Variants in NSG2 observed in about 807,000 individuals in gnomAD.
NSG2 encodes neuronal vesicle trafficking associated 2, also known as neuronal vesicle trafficking-associated protein 2.
NSG2 carries 4 observed loss-of-function variants against 16.9 expected under a neutral mutation model. The ratio of observed to expected loss-of-function variants is 0.24; its 90% CI spans 0.12 to 0.54. NSG2 has a LOEUF of 0.54. NSG2 is among the 20% of genes least tolerant of loss of function. The probability of loss-of-function intolerance (pLI) is 0.95; values close to 1 mark genes in which losing one functional copy is unlikely to be tolerated. For missense variants in NSG2, 179 were observed against 221.1 expected, an observed-to-expected ratio of 0.81 and a Z score of 1.21; for synonymous variants, 98 against 88.7, an observed-to-expected ratio of 1.11 and a Z score of -0.59.
At chr5:174,049,150 G>A (rs372207935) in intron 2 of NSG2, among the ~76,000 whole-genome samples, 24 of 151,926 alleles carry the variant, frequency 1.6e-4, no homozygotes, top group African/African-American at 5.1e-4. Context: ...CCATCCTGGC[G>A]AACACGGTGA....
chr5:174,103,470 T>A (rs1176146473), intron 3 of NSG2, among the ~76,000 whole-genome samples: 3 of 151,950 alleles, frequency 2.0e-5, no homozygotes, highest in Non-Finnish European at 4.4e-5. Context: ...GTTGAAAGTG[T>A]GTATTAGATG....
chr5:174,086,422 A>G (rs1194300252), intron 3 of NSG2: 5 of 152,218 alleles, frequency 3.3e-5, no homozygotes, highest in African/African-American at 4.8e-5. Context: ...CAGATCAGCC[A>G]TGTTAGAATC....
In NSG2 at chr5:174,107,832, G is replaced by C; in HGVS notation, c.*327G>C. The C allele has an allele frequency of 4.1e-6, 2 of 493,142 alleles. No homozygotes were observed. The highest frequency in any genetic ancestry group is 2.5e-5 in the Admixed American group (1 of 40,754). 30.5% of individuals were successfully genotyped at this position (493,142 alleles called of 1,614,324 possible). ...GAAAATGTAACAGCAGAAAAGGAAA[G>C]AAACAAAGAACATGAACAAAAAGCA... is the stretch of plus-strand genomic sequence containing the variant. On this transcript the variant is annotated 3_prime_UTR_variant, in exon 5 of 5. Transcript: ENST00000303177. This position sits in a 1 kb window ranked among gnomAD's most constrained non-coding sequence, Gnocchi z 4.5.
intron 3 of NSG2, among the ~76,000 whole-genome samples, chr5:174,088,282 G>GGTGGTAATA (rs2113462769): frequency 6.6e-6 from 1 of 152,330 alleles, no homozygotes; most frequent in African/African-American, 2.4e-5. Flanking sequence ...AAGTCGCACA[G>GGTGGTAATA]GTGGTAATAG....
chr5:174,102,919 C>T (rs1411374591), intron 3 of NSG2, among the ~76,000 whole-genome samples: 1 of 149,420 alleles, frequency 6.7e-6, no homozygotes, highest in African/African-American at 2.5e-5. Flanking sequence ...GCTGGGATCA[C>T]AGGTGCCTGC....
chr5:174,092,394 A>G (rs889818513), intron 3 of NSG2, among the ~76,000 whole-genome samples: 1 of 152,260 alleles, frequency 6.6e-6, no homozygotes, highest in African/African-American at 2.4e-5. Context: ...CCCCATTAAT[A>G]TGAATCATCA....
rs181978647 is a variant in NSG2 at position 174,100,877 on chromosome 5, C to T, written c.214-3351C>T. On this transcript the variant is annotated intron_variant, in intron 3 of 4. Coordinates refer to ENST00000303177, the MANE Select transcript of NSG2 (RefSeq NM_015980.5). ...GGCCTTATCCAGCCCTGTCTGGGCA[C>T]GTCCATACCCATGTTGGGAGGTCTT... 3.1e-3 allele frequency among the ~76,000 whole-genome samples: 479 copies of T among 152,346 alleles called. 2 individuals carry two copies. Among genetic ancestry groups the T allele is most frequent in the Middle Eastern group, 6.8e-3 (2 of 294 alleles).
intron 2 of NSG2, among the ~76,000 whole-genome samples, chr5:174,060,930 C>T (rs560321404): frequency 3.5e-4 from 53 of 152,220 alleles, no homozygotes; most frequent in Middle Eastern, 3.4e-3. Flanking sequence ...ATGGGAGGGA[C>T]TAGCCCATCA....
Position 174,048,147 on chromosome 5 carries a change from A to G in NSG2, c.129+1263A>G, listed in dbSNP as rs138870161. On this transcript the variant is annotated intron_variant, in intron 2 of 4. Transcript: ENST00000303177. The stretch of plus-strand genomic sequence containing the variant: ...GGAACTGGTAAAGCCTTTAAAGATA[A>G]ATTCTGAACAGGCAACTAACACTAA... Among the ~76,000 whole-genome samples the G allele has an allele frequency of 3.7e-3, 565 of 152,336 alleles. 26 individuals carry two copies. The East Asian group carries it at 0.089, about 24-fold the overall frequency.
chr5:174,083,337 C>A (rs1194070947), intron 3 of NSG2, among the ~76,000 whole-genome samples: 4 of 152,216 alleles, frequency 2.6e-5, no homozygotes, highest in Non-Finnish European at 4.4e-5. Context: ...ATGACATTTT[C>A]TCCATTTTAG....
In NSG2 at chr5:174,103,405, T is replaced by C. The variant is rs368948258; in HGVS notation, c.214-823T>C. On this transcript the variant is annotated intron_variant, in intron 3 of 4. Coordinates refer to ENST00000303177, the MANE Select transcript of NSG2 (RefSeq NM_015980.5). ...TGACATATTCTGAGATGAAGAAGAA[T>C]GCAGGTGGAGCAGGTTTGAGTTGGG... is the stretch of plus-strand genomic sequence containing the variant. Among the ~76,000 whole-genome samples, 3 of 152,136 alleles carry C rather than the reference T, an allele frequency of 2.0e-5. No individual in the cohort carries two copies. In the East Asian group the frequency reaches 5.8e-4, roughly 29 times the overall value.
intron 2 of NSG2, among the ~76,000 whole-genome samples, chr5:174,048,048 G>T (rs1423324651): frequency 1.3e-5 from 2 of 152,224 alleles, no homozygotes; most frequent in Non-Finnish European, 2.9e-5. Context: ...TGTTTTGAAA[G>T]TGCAGAGATT....
rs1304471436 is a variant in NSG2, at chr5:174,107,418, G to A, written c.429G>A (p.Lys143=). The A allele has an allele frequency of 1.9e-6, 3 of 1,613,004 alleles. No homozygotes were observed. The highest frequency in any genetic ancestry group is 2.2e-5 in the East Asian group (1 of 44,836). ...TCATCAGCCACTACAGCGTGGCCAA[G>A]CAGAGCACTGCCCGGGCCATCGGGC... is the stretch of plus-strand genomic sequence containing the variant. ...YTVISHYSVA[K]QSTARAIGPW... is the part of the protein sequence containing the mutation. Residue 143 remains lysine (K), a synonymous_variant, in exon 5 of 5, where the codon AAG becomes AAA. Coordinates refer to ENST00000303177, the MANE Select transcript of NSG2 (RefSeq NM_015980.5). The surrounding 1 kb of genome is among the most constrained non-coding windows in gnomAD (Gnocchi z 4.5).
At chr5:174,066,847 G>A (rs544699462) in intron 3 of NSG2, among the ~76,000 whole-genome samples, 8 of 151,704 alleles carry the variant, frequency 5.3e-5, no homozygotes, top group East Asian at 1.9e-4. Context: ...AAAATTAGCC[G>A]GGCGTAGTGG....
intron 3 of NSG2, among the ~76,000 whole-genome samples, chr5:174,097,979 C>A (rs182776291): frequency 3.3e-5 from 5 of 151,994 alleles, no homozygotes; most frequent in Non-Finnish European, 7.4e-5. Context: ...GAAAAGGGTG[C>A]GACTCGCTTG....
intron 2 of NSG2, among the ~76,000 whole-genome samples, chr5:174,062,864 C>T (rs1311848353): frequency 6.6e-6 from 1 of 152,186 alleles, no homozygotes; most frequent in Non-Finnish European, 1.5e-5. Context: ...CTAGTTAATA[C>T]GCTTGACTGT....
Position 174,064,256 on chromosome 5 carries a change from T to A in NSG2, c.154T>A (p.Tyr52Asn), listed in dbSNP as rs759495458. The change falls in exon 3 of 5, where the codon TAT becomes AAT. Residue 52 changes from tyrosine (Y) to asparagine (N), a missense_variant. Transcript: ENST00000303177. ...GGTGATTGTGAAGACAAGAACGGAA[T>A]ATCAGCCGGAACAGAAGAACAAAGG... Reference protein sequence around the residue: ...EKVIVKTRTEYQPEQKNKGKF... With the variant: ...EKVIVKTRTENQPEQKNKGKF... 2.5e-6 allele frequency: 4 copies of A among 1,611,346 alleles called. No homozygotes were observed. Among genetic ancestry groups the A allele is most frequent in the Non-Finnish European group, 3.4e-6 (4 of 1,178,246 alleles).
rs1488514852 is a variant in NSG2 at position 174,107,921 on chromosome 5, A to T, written c.*416A>T. On this transcript the variant is annotated 3_prime_UTR_variant, in exon 5 of 5. Transcript: ENST00000303177. The surrounding 1 kb of genome is among the most constrained non-coding windows in gnomAD (Gnocchi z 4.5). The stretch of plus-strand genomic sequence containing the variant: ...AGAGCACAGACTCTGTGGGCTTCTT[A>T]GATAAGAAAACGTAGCTTCAGTGGG... The T allele has an allele frequency of 2.7e-6, 1 of 368,344 alleles. No individual in the cohort carries two copies. The highest frequency in any genetic ancestry group is 5.3e-6 in the Non-Finnish European group (1 of 189,846). 22.8% of individuals were successfully genotyped at this position (368,344 alleles called of 1,614,324 possible).
At position 174,046,790 on chromosome 5, in the gene NSG2, G is replaced by C. The variant is rs775765996; in HGVS notation, c.35G>C (p.Gly12Ala). 4.3e-6 allele frequency: 7 copies of C among 1,613,994 alleles called. No individual in the cohort carries two copies. In the African/African-American group the frequency reaches 9.3e-5, roughly 22 times the overall value. The change falls in exon 2 of 5, where the codon GGA (glycine) becomes GCA (alanine). Residue 12 changes from glycine to alanine, a missense_variant. Coordinates refer to ENST00000303177, the MANE Select transcript of NSG2 (RefSeq NM_015980.5). ...CTGAACAGTAACCCCAGCGAGAAGG[G>C]AACCAAGCCGCCTTCAGTTGAGGAT... ...VKLNSNPSEK[G>A]TKPPSVEDGF...
Sources: gnomAD v4.1 joint callset for allele counts (sites outside exome capture counted in the v4.1 genomes callset) on GRCh38, gnomAD v4.1.1 for gene constraint, Gnocchi (gnomAD v3.1) non-coding constraint, MANE v1.5 for transcripts, NCBI Gene and HGNC (gene_info 2026-07-23, HGNC 2026-07-21) for gene names.